Variants in MTHFS observed in about 807,000 individuals in gnomAD.
MTHFS encodes the protein methenyltetrahydrofolate synthetase, also known as 5-formyltetrahydrofolate cyclo-ligase.
In MTHFS, 7 loss-of-function variants were observed where a neutral mutation model predicts 12.7. The ratio of observed to expected loss-of-function variants is 0.55; its 90% CI spans 0.31 to 1.03. The LOEUF is 1.03. MTHFS is among the 50% of genes least tolerant of loss of function. The pLI is 0.05. For synonymous variants in MTHFS, 100 were observed against 97.1 expected, an observed-to-expected ratio of 1.03 and a Z score of -0.18; for missense variants, 252 against 258.1, an observed-to-expected ratio of 0.98 and a Z score of 0.16.
At chr15:79,887,152 G>A (rs995765831) in intron 2 of MTHFS, among the ~76,000 whole-genome samples, 5 of 152,118 alleles carry the variant, frequency 3.3e-5, no homozygotes, top group Non-Finnish European at 5.9e-5. Context: ...TTGAACCCAG[G>A]CGGTGGAAGT....
chr15:79,881,712 G>A (rs954765408), intron 2 of MTHFS, among the ~76,000 whole-genome samples: 13 of 152,096 alleles, frequency 8.5e-5, no homozygotes, highest in East Asian at 3.8e-4. Context: ...CATGAATAAC[G>A]GTTTTAATGC....
intron 2 of MTHFS, among the ~76,000 whole-genome samples, chr15:79,885,375 T>A (rs2034364619): frequency 6.6e-6 from 1 of 152,216 alleles, no homozygotes; most frequent in African/African-American, 2.4e-5. Flanking sequence ...GACAAAGCTA[T>A]GACTGCAAAG....
rs11858608 is a variant in MTHFS at position 79,862,824 on chromosome 15, T to C, written c.380-17382A>G. Among the ~76,000 whole-genome samples, 772 of 152,316 alleles carry C rather than the reference T, an allele frequency of 5.1e-3. 6 individuals carry two copies. Among genetic ancestry groups the C allele is most frequent in the Middle Eastern group, 0.01 (3 of 294 alleles). On this transcript the variant is annotated intron_variant, in intron 2 of 2. Transcript: ENST00000258874. ...AGAAAACCTCATCTAGAAAGGCAAA[T>C]TGATCTTGGTCCATCTACATTTGCC...
intron 2 of MTHFS, among the ~76,000 whole-genome samples, chr15:79,851,399 T>C (rs765480612): frequency 3.2e-4 from 49 of 152,206 alleles, no homozygotes; most frequent in Non-Finnish European, 6.6e-4. Flanking sequence ...AGGGATATAA[T>C]GAGTAGTCCC....
At chr15:79,870,191 T>TCAC (rs1259850513) in intron 2 of MTHFS, among the ~76,000 whole-genome samples, 8 of 152,180 alleles carry the variant, frequency 5.3e-5, no homozygotes, top group African/African-American at 1.9e-4. Context: ...ACAATACTAA[T>TCAC]CACCACAAGA....
At chr15:79,880,874 G>T (rs1280690995) in intron 2 of MTHFS, among the ~76,000 whole-genome samples, 2 of 151,778 alleles carry the variant, frequency 1.3e-5, no homozygotes, top group Non-Finnish European at 2.9e-5. Context: ...GGTATGCTGA[G>T]GTGTCAAAAT....
At chr15:79,882,765 A>G (rs2034317417) in intron 2 of MTHFS, among the ~76,000 whole-genome samples, 2 of 152,260 alleles carry the variant, frequency 1.3e-5, no homozygotes, top group South Asian at 2.1e-4. Flanking sequence ...AGTAGCACAC[A>G]GTAACAGGCA....
intron 2 of MTHFS, among the ~76,000 whole-genome samples, chr15:79,880,763 G>A (rs535566528): frequency 1.0e-3 from 154 of 149,986 alleles, no homozygotes; most frequent in African/African-American, 3.5e-3. Flanking sequence ...ATTAAATAGT[G>A]GACTCCTAAT....
intron 2 of MTHFS, among the ~76,000 whole-genome samples, chr15:79,855,587 G>T (rs1436066405): frequency 6.6e-6 from 1 of 152,116 alleles, no homozygotes; most frequent in Non-Finnish European, 1.5e-5. Flanking sequence ...TGTCACAGGG[G>T]TTTGGTGTAC....
In MTHFS at chr15:79,885,343, T is replaced by A. The variant is rs189007936; in HGVS notation, c.379+3750A>T. 9.9e-5 allele frequency among the ~76,000 whole-genome samples: 15 copies of A among 152,232 alleles called. 1 individual carries two copies. The highest frequency in any genetic ancestry group is 1.9e-4 in the African/African-American group (8 of 41,520). ...AATTCCCAAAAAGCCTCCAAGAAGA[T>A]CATAAGTTAAAAATCAGCACTGACA... On this transcript the variant is annotated intron_variant, in intron 2 of 2. Coordinates refer to ENST00000258874, the MANE Select transcript of MTHFS (RefSeq NM_006441.4).
At chr15:79,886,083 T>C (rs1340614373) in intron 2 of MTHFS, among the ~76,000 whole-genome samples, 1 of 152,256 alleles carries the variant, frequency 6.6e-6, no homozygotes, top group African/African-American at 2.4e-5. Context: ...GCTACATATA[T>C]AATACAAGAA....
intron 1 of MTHFS, among the ~76,000 whole-genome samples, chr15:79,891,182 G>A (rs898284954): frequency 1.1e-4 from 16 of 152,154 alleles, no homozygotes; most frequent in Admixed American, 2.0e-4. Context: ...CAGAGAATAA[G>A]GGTGCAGGTC....
At chr15:79,878,960 G>A (rs1398163503) in intron 2 of MTHFS, among the ~76,000 whole-genome samples, 1 of 150,656 alleles carries the variant, frequency 6.6e-6, no homozygotes, top group African/African-American at 2.5e-5. Flanking sequence ...CAAAGTTGCT[G>A]TATTTTACTG....
At chr15:79,847,053 C>G (rs1003816310) in intron 2 of MTHFS, among the ~76,000 whole-genome samples, 5 of 152,210 alleles carry the variant, frequency 3.3e-5, no homozygotes, top group East Asian at 1.9e-4. Context: ...CCAAAAGCAA[C>G]AGGGACAAAT....
intron 2 of MTHFS, among the ~76,000 whole-genome samples, chr15:79,848,415 G>C (rs1179726051): frequency 6.6e-6 from 1 of 152,180 alleles, no homozygotes; most frequent in Non-Finnish European, 1.5e-5. Flanking sequence ...AAGTTCTAGA[G>C]ATCTGCTGTA....
intron 2 of MTHFS, among the ~76,000 whole-genome samples, chr15:79,855,507 A>G (rs1348761957): frequency 6.6e-6 from 1 of 152,182 alleles, no homozygotes; most frequent in Non-Finnish European, 1.5e-5. Flanking sequence ...GAACTTTTCA[A>G]TAACTTTTTT....
rs79725378 is a variant in MTHFS at position 79,888,185 on chromosome 15, G to C, written c.379+908C>G. On this transcript the variant is annotated intron_variant, in intron 2 of 2. Transcript: ENST00000258874. ...ACTTCCCAAGCAGCTGTTGGCCAGA[G>C]AACAGCATGTATTAAGACCCAGCAG... 1.0e-3 allele frequency among the ~76,000 whole-genome samples: 154 copies of C among 152,272 alleles called. 1 individual carries two copies. The highest frequency in any genetic ancestry group is 6.8e-3 in the Middle Eastern group (2 of 294).
intron 2 of MTHFS, among the ~76,000 whole-genome samples, chr15:79,849,336 T>C (rs979471878): frequency 1.9e-4 from 29 of 152,344 alleles, no homozygotes; most frequent in African/African-American, 6.3e-4. Flanking sequence ...TTATTTGTTG[T>C]CATCCTTGAA....
chr15:79,850,654 G>A (rs1480386894), intron 2 of MTHFS, among the ~76,000 whole-genome samples: 1 of 152,160 alleles, frequency 6.6e-6, no homozygotes, highest in Non-Finnish European at 1.5e-5. Flanking sequence ...GTCAAATGTG[G>A]CAGAATGGAC....
Sources: allele counts gnomAD v4.1 joint callset (sites outside exome capture counted in the v4.1 genomes callset), GRCh38; gene constraint gnomAD v4.1.1; transcripts MANE v1.5; gene names NCBI Gene and HGNC (gene_info 2026-07-23, HGNC 2026-07-21).